The following PTPN3 variants were observed in gnomAD, a reference collection of about 807,000 sequenced individuals.
PTPN3 encodes the protein tyrosine-protein phosphatase non-receptor type 3.
A neutral mutation model predicts 132.7 loss-of-function variants in PTPN3; 96 were observed. That is an observed-to-expected ratio of 0.72 (90% CI 0.61 to 0.86). PTPN3 has a LOEUF of 0.86. PTPN3 is among the 40% of genes least tolerant of loss of function. The pLI is 0.00. For missense variants in PTPN3, 1,125 were observed against 1,159.6 expected (o/e 0.97, Z 0.43); for synonymous variants, 398 against 429.0 (o/e 0.93, Z 0.89).
At chr9:109,526,338 GTTT>G in the PTPN3 span, among the ~76,000 whole-genome samples, 481 of 149,036 alleles carry the variant, frequency 3.2e-3, 7 homozygotes, top group Admixed American at 0.023. Flanking sequence ...ATTTCAGCAA[GTTT>G]TTTTTTTTTT....
At chr9:109,500,087 T>A (rs1179171039), upstream of PTPN3, among the ~76,000 whole-genome samples, 1 of 152,236 alleles carries the variant, frequency 6.6e-6, no homozygotes, top group Non-Finnish European at 1.5e-5. Flanking sequence ...TTATCCTCTC[T>A]GTGCTTCAAC....
intron 18 of PTPN3, among the ~76,000 whole-genome samples, chr9:109,405,994 G>T (rs1841529640): frequency 6.6e-6 from 1 of 152,144 alleles, no homozygotes; most frequent in African/African-American, 2.4e-5. Context: ...CCCCTGCAAG[G>T]TCCCCCAGCC....
chr9:109,431,824 C>A (rs533687005), intron 10 of PTPN3, among the ~76,000 whole-genome samples: 134 of 152,228 alleles, frequency 8.8e-4, no homozygotes, highest in Non-Finnish European at 1.6e-3. Context: ...CTGTGTCACT[C>A]TGGACAGGTT....
intron 1 of PTPN3, among the ~76,000 whole-genome samples, chr9:109,493,704 C>G (rs1255785583): frequency 6.6e-6 from 1 of 152,186 alleles, no homozygotes; most frequent in Non-Finnish European, 1.5e-5. Flanking sequence ...GCAGTCAGCA[C>G]AGTCCTGCCG....
At chr9:109,528,120 C>A in the PTPN3 span, among the ~76,000 whole-genome samples, 1 of 152,146 alleles carries the variant, frequency 6.6e-6, no homozygotes, top group African/African-American at 2.4e-5. Flanking sequence ...TGATATAGAA[C>A]AAACTGGGAT....
intron 7 of PTPN3, among the ~76,000 whole-genome samples, chr9:109,443,718 A>C (rs1234980378): frequency 6.6e-6 from 1 of 152,120 alleles, no homozygotes; most frequent in Non-Finnish European, 1.5e-5. Flanking sequence ...TCCCATATGG[A>C]TGTGAAATGG....
chr9:109,478,584 A>G (rs1048169132), intron 1 of PTPN3, among the ~76,000 whole-genome samples: 1 of 152,236 alleles, frequency 6.6e-6, no homozygotes, highest in Non-Finnish European at 1.5e-5. Flanking sequence ...ACACCAAAGA[A>G]AGGAGGAACG....
At chr9:109,462,952 T>C (rs372553559) in intron 2 of PTPN3, among the ~76,000 whole-genome samples, 199 of 151,142 alleles carry the variant, frequency 1.3e-3, no homozygotes, top group South Asian at 3.0e-3. Flanking sequence ...ATGAAGCATA[T>C]ATAGGGTGCC....
intron 19 of PTPN3, chr9:109,392,937 C>A (rs1460221516): frequency 6.6e-6 from 1 of 152,156 alleles, no homozygotes; most frequent in Non-Finnish European, 1.5e-5. Context: ...TTCTACTCAA[C>A]CTAAGTGTCC....
Position 109,437,998 on chromosome 9 carries a change from C to A in PTPN3, c.587+116G>T, listed in dbSNP as rs1588426539. The stretch of plus-strand genomic sequence containing the variant: ...AGCTCAAAGGTTCAAAAACCCCCGA[C>A]ATCTTGAAAGAGGATTCATGCACAA... On this transcript the variant is annotated intron_variant, in intron 8 of 25. Coordinates refer to ENST00000374541, the MANE Select transcript of PTPN3 (RefSeq NM_002829.4). 3 of 1,286,938 alleles carry A rather than the reference C, an allele frequency of 2.3e-6. No homozygotes were observed. The Admixed American group carries it at 7.8e-5, about 34-fold the overall frequency. 79.7% of individuals were successfully genotyped at this position (1,286,938 alleles called of 1,614,324 possible).
intron 2 of PTPN3, among the ~76,000 whole-genome samples, chr9:109,459,008 G>A (rs1845697963): frequency 1.3e-5 from 2 of 152,156 alleles, no homozygotes; most frequent in African/African-American, 4.8e-5. Context: ...GAGAGGCTCC[G>A]TGCCTTGCAC....
chr9:109,498,585 G>T (rs538184217), upstream of PTPN3, among the ~76,000 whole-genome samples: 5 of 152,324 alleles, frequency 3.3e-5, no homozygotes, highest in South Asian at 8.3e-4. The surrounding 1 kb of genome is among the most constrained non-coding windows in gnomAD (Gnocchi z 4.2). Flanking sequence ...TCATGCCTAG[G>T]GAAGGCAAGA....
chr9:109,417,636 G>A lies in PTPN3; in HGVS notation c.1313+2788C>T, dbSNP rs1009537145. ...ACCCTCAGGAGGGCCAGCCTCCTCT[G>A]AAGACCCAGCACAAAGTGGCTTCCC... On this transcript the variant is annotated intron_variant, in intron 14 of 25. Coordinates refer to ENST00000374541, the MANE Select transcript of PTPN3 (RefSeq NM_002829.4). The A allele has an allele frequency of 5.1e-6, 5 of 984,662 alleles. No individual in the cohort carries two copies. The African/African-American group carries it at 8.8e-5, about 17-fold the overall frequency. 61.0% of individuals were successfully genotyped at this position (984,662 alleles called of 1,614,324 possible).
intron 2 of PTPN3, among the ~76,000 whole-genome samples, 183 bp downstream of exon 2, chr9:109,463,114 G>A (rs562935638): frequency 6.6e-6 from 1 of 151,634 alleles, no homozygotes; most frequent in African/African-American, 2.4e-5. Flanking sequence ...AAGACCCTCA[G>A]GGCAGAGGTG....
intron 1 of PTPN3, among the ~76,000 whole-genome samples, chr9:109,465,369 G>C (rs1223632982): frequency 6.6e-6 from 1 of 152,176 alleles, no homozygotes; most frequent in Non-Finnish European, 1.5e-5. Context: ...CTGAGGTCAG[G>C]AGTTCGAGAT....
At chr9:109,503,031 A>G (rs958348900), upstream of PTPN3, among the ~76,000 whole-genome samples, 9 of 152,208 alleles carry the variant, frequency 5.9e-5, no homozygotes, top group African/African-American at 1.9e-4. Context: ...ATGTCTTTAT[A>G]GTTCTCTAAA....
intron 2 of PTPN3, among the ~76,000 whole-genome samples, chr9:109,458,908 G>A (rs10816815): frequency 0.33 from 50,378 of 152,062 alleles, 9,143 homozygotes; most frequent in African/African-American, 0.45. Context: ...TTATGCCAAT[G>A]TGCTTTTTAT....
intron 1 of PTPN3, among the ~76,000 whole-genome samples, chr9:109,476,360 T>C (rs1485808748): frequency 6.6e-6 from 1 of 151,342 alleles, no homozygotes; most frequent in South Asian, 2.1e-4. Context: ...AAATAACAAG[T>C]TGTAAACCTT....
chr9:109,449,072 G>A (rs1049006111), intron 5 of PTPN3: 7 of 1,368,814 alleles, frequency 5.1e-6, no homozygotes, highest in Admixed American at 3.5e-5. Context: ...TGACTGGTGG[G>A]GGCAATTTTC....
Sources: gnomAD v4.1 joint callset for allele counts (sites outside exome capture counted in the v4.1 genomes callset) on GRCh38, gnomAD v4.1.1 for gene constraint, Gnocchi (gnomAD v3.1) non-coding constraint, MANE v1.5 for transcripts, NCBI Gene and HGNC (gene_info 2026-07-23, HGNC 2026-07-21) for gene names.